Variants in RPS6KC1 observed in about 807,000 individuals in gnomAD.
RPS6KC1 encodes inactive ribosomal protein S6 kinase delta-1.
RPS6KC1 carries 54 observed loss-of-function variants against 103.8 expected under a neutral mutation model. The ratio of observed to expected loss-of-function variants is 0.52; its 90% CI spans 0.42 to 0.65. The LOEUF (loss-of-function observed/expected upper bound fraction) is 0.65. RPS6KC1 is among the 30% of genes least tolerant of loss of function. RPS6KC1 has a pLI of 0.00. For missense variants in RPS6KC1, 1,151 were observed against 1,253.8 expected (o/e 0.92, Z 1.24); for synonymous variants, 439 against 438.7 (o/e 1.00, Z -0.01).
At chr1:213,224,223 C>A (rs892250828) in intron 8 of RPS6KC1, among the ~76,000 whole-genome samples, 3 of 152,184 alleles carry the variant, frequency 2.0e-5, no homozygotes, top group Admixed American at 2.0e-4. Flanking sequence ...TTAGTCCTTT[C>A]TTAATTCTAG....
chr1:213,660,455 T>C, the RPS6KC1 span, among the ~76,000 whole-genome samples: 2 of 152,334 alleles, frequency 1.3e-5, no homozygotes, highest in East Asian at 3.9e-4. Flanking sequence ...AAGATCTCCA[T>C]TTAGAAAAAC....
At chr1:213,512,352 C>T in the RPS6KC1 span, among the ~76,000 whole-genome samples, 103 of 152,296 alleles carry the variant, frequency 6.8e-4, no homozygotes, top group Middle Eastern at 3.4e-3. Context: ...CGCCTCCACA[C>T]GTGGAGCCAG....
chr1:213,403,127 CA>C, the RPS6KC1 span, among the ~76,000 whole-genome samples: 13 of 149,782 alleles, frequency 8.7e-5, no homozygotes, highest in East Asian at 1.6e-3. Context: ...GACTCCGTCT[CA>C]AAAAAAAATA....
chr1:213,454,743 CAG>C, the RPS6KC1 span, among the ~76,000 whole-genome samples: 1 of 152,230 alleles, frequency 6.6e-6, no homozygotes, highest in South Asian at 2.1e-4. Flanking sequence ...CTGAATAACT[CAG>C]TGTCCAAATT....
chr1:213,073,106 C>G (rs890414547), intron 2 of RPS6KC1: 3 of 156,410 alleles, frequency 1.9e-5, no homozygotes, highest in African/African-American at 7.2e-5. Flanking sequence ...TATAACAGTA[C>G]TTTTTTTAGT....
chr1:213,737,732 A>G, the RPS6KC1 span, among the ~76,000 whole-genome samples: 3 of 152,194 alleles, frequency 2.0e-5, no homozygotes, highest in Non-Finnish European at 2.9e-5. Flanking sequence ...TGGCTCTACT[A>G]CTGCAGCCAG....
At chr1:213,214,447 G>A (rs997770336) in intron 8 of RPS6KC1, among the ~76,000 whole-genome samples, 1 of 152,192 alleles carries the variant, frequency 6.6e-6, no homozygotes, top group East Asian at 1.9e-4. Context: ...TCCACCTCTC[G>A]GGGCAGGGCA....
the RPS6KC1 span, among the ~76,000 whole-genome samples, chr1:213,675,055 T>C: frequency 6.6e-6 from 1 of 152,188 alleles, no homozygotes; most frequent in Non-Finnish European, 1.5e-5. Flanking sequence ...GTTGGTTGCA[T>C]TGTTTGCAAA....
the RPS6KC1 span, among the ~76,000 whole-genome samples, chr1:213,803,989 A>T: frequency 1.3e-5 from 2 of 151,632 alleles, no homozygotes; most frequent in African/African-American, 4.9e-5. Flanking sequence ...GAGGGATAGC[A>T]TTAGGAGATA....
the RPS6KC1 span, among the ~76,000 whole-genome samples, chr1:213,521,117 G>T: frequency 6.6e-6 from 1 of 151,986 alleles, no homozygotes; most frequent in African/African-American, 2.4e-5. Context: ...TTTCATATTA[G>T]TGCATGTAAG....
the RPS6KC1 span, among the ~76,000 whole-genome samples, chr1:213,536,804 C>T: frequency 2.0e-5 from 3 of 152,164 alleles, no homozygotes; most frequent in Non-Finnish European, 2.9e-5. Flanking sequence ...TAGGGAGGCA[C>T]CAGGTTCAAG....
the RPS6KC1 span, among the ~76,000 whole-genome samples, chr1:213,490,286 C>T: frequency 3.3e-5 from 5 of 152,262 alleles, no homozygotes; most frequent in African/African-American, 4.8e-5. Flanking sequence ...CCCCTACGGA[C>T]GTTGAAAGCG....
At chr1:213,612,211 GC>G in the RPS6KC1 span, among the ~76,000 whole-genome samples, 1 of 152,232 alleles carries the variant, frequency 6.6e-6, no homozygotes, top group Non-Finnish European at 1.5e-5. Context: ...TGTTTAACAA[GC>G]CTTTCAAGGA....
chr1:213,064,972 G>A (rs2078186461), intron 1 of RPS6KC1, among the ~76,000 whole-genome samples: 1 of 115,258 alleles, frequency 8.7e-6, no homozygotes, highest in Non-Finnish European at 1.9e-5. Flanking sequence ...ACCGTGCCCG[G>A]CCTTTTTTTT....
intron 5 of RPS6KC1, among the ~76,000 whole-genome samples, chr1:213,126,797 A>G (rs924499627): frequency 4.6e-5 from 7 of 152,168 alleles, no homozygotes; most frequent in Admixed American, 4.6e-4. Flanking sequence ...TCATTTATAT[A>G]TTGTCTATGG....
the RPS6KC1 span, among the ~76,000 whole-genome samples, chr1:213,756,239 A>G: frequency 8.4e-4 from 128 of 152,354 alleles, no homozygotes; most frequent in African/African-American, 3.1e-3. Flanking sequence ...TGAGAGCAAA[A>G]GACCATGTGC....
the RPS6KC1 span, among the ~76,000 whole-genome samples, chr1:213,599,524 G>A: frequency 6.6e-6 from 1 of 152,116 alleles, no homozygotes; most frequent in Non-Finnish European, 1.5e-5. Flanking sequence ...CCAAACAGTG[G>A]GGGGAAAATA....
chr1:213,516,106 C>G, the RPS6KC1 span, among the ~76,000 whole-genome samples: 1 of 152,132 alleles, frequency 6.6e-6, no homozygotes, highest in African/African-American at 2.4e-5. Flanking sequence ...CTGAAGTTGC[C>G]TATCAGCTTA....
chr1:213,799,213 A>T, the RPS6KC1 span, among the ~76,000 whole-genome samples: 1 of 152,196 alleles, frequency 6.6e-6, no homozygotes, highest in African/African-American at 2.4e-5. Context: ...GTGTTCTCTT[A>T]CTGAATTTAT....
Sources: gnomAD v4.1 joint callset for allele counts (sites outside exome capture counted in the v4.1 genomes callset) on GRCh38, gnomAD v4.1.1 for gene constraint, MANE v1.5 for transcripts, NCBI Gene and HGNC (gene_info 2026-07-23, HGNC 2026-07-21) for gene names.